RAPGEF5: variants seen among roughly 807,000 people sequenced by gnomAD.
The protein encoded by RAPGEF5 is M-Ras-regulated GEF.
In RAPGEF5, 65 loss-of-function variants were observed where a neutral mutation model predicts 125.2. The ratio of observed to expected loss-of-function variants is 0.52; its 90% confidence interval spans 0.43 to 0.64. The LOEUF is 0.64. Among genes scored for constraint, RAPGEF5 ranks in the 30% least tolerant of loss-of-function variants. RAPGEF5 has a pLI of 0.00. For synonymous variants in RAPGEF5, 391 were observed against 385.9 expected (o/e 1.01, Z -0.16); for missense variants, 958 against 1,048.1 (o/e 0.91, Z 1.19).
Position 22,265,477 on chromosome 7 carries a change from G to A in RAPGEF5, c.796+1487C>T, listed in dbSNP as rs545349950. Among the ~76,000 whole-genome samples the A allele has an allele frequency of 5.3e-5, 8 of 152,204 alleles. No homozygotes were observed. In the South Asian group the frequency reaches 6.2e-4, roughly 12 times the overall value. On this transcript the variant is annotated intron_variant, in intron 7 of 25. Transcript: ENST00000665637. ...CTGAATAATATTTCATTGTGTATAC[G>A]TGCCAAATTTTCTTTATCCATTTAT...
intron 11 of RAPGEF5, among the ~76,000 whole-genome samples, chr7:22,188,812 T>C (rs1784902022): frequency 6.6e-6 from 1 of 150,938 alleles, no homozygotes; most frequent in Non-Finnish European, 1.5e-5. Flanking sequence ...CAAGAGCTTC[T>C]GGACTCTATC....
chr7:22,296,930 G>A (rs749508969), intron 5 of RAPGEF5, among the ~76,000 whole-genome samples: 1 of 152,212 alleles, frequency 6.6e-6, no homozygotes, highest in Non-Finnish European at 1.5e-5. Context: ...GATGAGGACT[G>A]AAAAATCAGC....
At chr7:22,286,174 C>A (rs971144137) in intron 6 of RAPGEF5, among the ~76,000 whole-genome samples, 1 of 152,204 alleles carries the variant, frequency 6.6e-6, no homozygotes, top group African/African-American at 2.4e-5. Flanking sequence ...TTCCCCCCCA[C>A]CACCACCGGG....
At chr7:22,136,644 A>T (rs532420377) in intron 22 of RAPGEF5, among the ~76,000 whole-genome samples, 1 of 152,338 alleles carries the variant, frequency 6.6e-6, no homozygotes, top group South Asian at 2.1e-4. Context: ...TGCTAAATTT[A>T]TACTGATTAA....
At chr7:22,227,463 A>G (rs969331536) in intron 8 of RAPGEF5, among the ~76,000 whole-genome samples, 4 of 152,216 alleles carry the variant, frequency 2.6e-5, no homozygotes, top group Admixed American at 1.3e-4. Flanking sequence ...AATGGAGGAT[A>G]GGAGACAATG....
chr7:22,300,606 C>T (rs775289554), intron 5 of RAPGEF5, among the ~76,000 whole-genome samples: 7 of 152,122 alleles, frequency 4.6e-5, no homozygotes, highest in South Asian at 2.1e-4. Flanking sequence ...GGGTCTGTCC[C>T]GCAGATGTCC....
At chr7:22,232,487 T>A (rs1057371110) in intron 7 of RAPGEF5, among the ~76,000 whole-genome samples, 16 of 151,934 alleles carry the variant, frequency 1.1e-4, no homozygotes, top group African/African-American at 3.9e-4. Context: ...GCCCAGATAA[T>A]TTTTGTATTT....
intron 1 of RAPGEF5, among the ~76,000 whole-genome samples, chr7:22,336,108 C>A (rs768821642): frequency 3.9e-5 from 6 of 152,204 alleles, no homozygotes; most frequent in African/African-American, 1.4e-4. Context: ...GGCCCTCAAG[C>A]CCTATCACCC....
intron 7 of RAPGEF5, among the ~76,000 whole-genome samples, chr7:22,265,573 T>C (rs1042600076): frequency 3.3e-5 from 5 of 152,214 alleles, no homozygotes; most frequent in Admixed American, 6.5e-5. Flanking sequence ...GGAGTGCAGA[T>C]ATCTCTTTGA....
At chr7:22,252,612 C>CA (rs1293484381) in intron 7 of RAPGEF5, among the ~76,000 whole-genome samples, 2 of 152,188 alleles carry the variant, frequency 1.3e-5, no homozygotes, top group Non-Finnish European at 2.9e-5. Context: ...TTCTTATACT[C>CA]ACTACTCTCA....
chr7:22,155,428 T>G (rs1022140145), intron 16 of RAPGEF5, among the ~76,000 whole-genome samples: 15 of 152,348 alleles, frequency 9.8e-5, no homozygotes, highest in Middle Eastern at 3.4e-3. Flanking sequence ...TGCACTAGCT[T>G]CTTTCAAATA....
chr7:22,260,400 C>A lies in RAPGEF5; in HGVS notation c.796+6564G>T, dbSNP rs1014331059. On this transcript the variant is annotated intron_variant, in intron 7 of 25. Transcript: ENST00000665637. ...GTGGGGCAGGAGGTATAAAGCAACT[C>A]TCTGCACTTTGTATTCAATTTTGCT... 2.0e-5 allele frequency among the ~76,000 whole-genome samples: 3 copies of A among 152,038 alleles called. 1 individual carries two copies. The highest frequency in any genetic ancestry group is 4.2e-4 in the South Asian group (2 of 4,814).
intron 8 of RAPGEF5, among the ~76,000 whole-genome samples, chr7:22,230,030 AC>A (rs1456666284): frequency 6.6e-6 from 1 of 152,352 alleles, no homozygotes; most frequent in South Asian, 2.1e-4. Context: ...ACAGACATTT[AC>A]CCATAGAATA....
At chr7:22,143,719 T>A (rs1783338337) in intron 20 of RAPGEF5, among the ~76,000 whole-genome samples, 1 of 152,212 alleles carries the variant, frequency 6.6e-6, no homozygotes, top group Non-Finnish European at 1.5e-5. Flanking sequence ...GTTTTCCTGA[T>A]CCTGCTTCCC....
At chr7:22,239,391 G>A (rs1014920790) in intron 7 of RAPGEF5, among the ~76,000 whole-genome samples, 4 of 152,028 alleles carry the variant, frequency 2.6e-5, no homozygotes, top group South Asian at 4.2e-4. Context: ...CTGTATGTTC[G>A]GGAAAGCCAT....
In RAPGEF5 at chr7:22,310,046, T is replaced by C; in HGVS notation, c.434A>G (p.His145Arg). 1.3e-6 allele frequency: 2 copies of C among 1,599,602 alleles called. No individual in the cohort carries two copies. The highest frequency in any genetic ancestry group is 8.5e-7 in the Non-Finnish European group (1 of 1,175,084). The change falls in exon 4 of 26, where the codon CAC (histidine) becomes CGC (arginine). Residue 145 changes from histidine to arginine, a missense_variant. His to Arg is a conservative substitution (Grantham distance 29). Transcript: ENST00000665637. ...AGATCTGCACTGGACGAAAGGACAG[T>C]GTTCTAGAAGCCAGTCTACCAGCTC... Reference protein sequence around the residue: ...GSELVDWLLEHCPFVQCRSMA... With the variant: ...GSELVDWLLERCPFVQCRSMA...
intron 1 of RAPGEF5, among the ~76,000 whole-genome samples, chr7:22,345,696 CTT>C (rs60654602): frequency 0.09 from 9,552 of 106,040 alleles, 304 homozygotes; most frequent in Middle Eastern, 0.16. Context: ...GTCTAGGCAG[CTT>C]TTTTTTTTTT....
chr7:22,325,007 A>G (rs909713931), intron 1 of RAPGEF5, among the ~76,000 whole-genome samples: 20 of 152,240 alleles, frequency 1.3e-4, no homozygotes, highest in African/African-American at 4.8e-4. Context: ...TTATGAGACA[A>G]ACCACATGCA....
intron 6 of RAPGEF5, among the ~76,000 whole-genome samples, chr7:22,284,637 G>C (rs1782754571): frequency 6.6e-6 from 1 of 152,118 alleles, no homozygotes; most frequent in African/African-American, 2.4e-5. Context: ...GAAATAAAAG[G>C]TAACAAGATG....
Sources: gnomAD v4.1 joint callset for allele counts (sites outside exome capture counted in the v4.1 genomes callset) on GRCh38, gnomAD v4.1.1 for gene constraint, MANE v1.5 for transcripts, NCBI Gene and HGNC (gene_info 2026-07-23, HGNC 2026-07-21) for gene names.